FBXL2: variants seen among roughly 807,000 people sequenced by gnomAD.
FBXL2 encodes the protein F-box and leucine rich repeat protein 2, also known as F-box/LRR-repeat protein 2.
A neutral mutation model predicts 69.2 loss-of-function variants in FBXL2; 38 were observed. That is an observed-to-expected ratio of 0.55 (90% CI 0.42 to 0.72). The LOEUF is 0.72. FBXL2 is among the 30% of genes least tolerant of loss of function. The pLI is 0.00. For missense variants in FBXL2, 354 were observed against 520.3 expected (o/e 0.68, Z 3.11); for synonymous variants, 192 against 201.3 (o/e 0.95, Z 0.39).
At position 33,378,164 on chromosome 3, in the gene FBXL2, C is replaced by G; in HGVS notation, c.894+17C>G. ...TGCATCCTGGTGAGTGGACTCCTGA[C>G]AGCCCTGCAGGGCAGCCTGCTCCTT... On this transcript the variant is annotated intron_variant, in intron 12 of 14. Transcript: ENST00000484457. 6.2e-7 allele frequency: 1 copy of G among 1,612,908 alleles called. No homozygotes were observed. The highest frequency in any genetic ancestry group is 8.5e-7 in the Non-Finnish European group (1 of 1,178,846).
At chr3:33,296,924 T>TA (rs2035799633) in intron 1 of FBXL2, among the ~76,000 whole-genome samples, 1 of 152,176 alleles carries the variant, frequency 6.6e-6, no homozygotes, top group Non-Finnish European at 1.5e-5. Flanking sequence ...TCAATTTCTG[T>TA]AAAAAAGGCA....
chr3:33,347,104 C>G lies in FBXL2; in HGVS notation c.66-11863C>G, dbSNP rs56691842. 4.2e-3 allele frequency among the ~76,000 whole-genome samples: 633 copies of G among 152,218 alleles called. 6 individuals are homozygous for G. Among genetic ancestry groups the G allele is most frequent in the African/African-American group, 0.015 (603 of 41,544 alleles). ...TACCCATTAACCATCCCTATGTCCCCTCCACATCCTCCTGCCCTCACCCTT... is the reference window on the plus strand; with the variant it reads ...TACCCATTAACCATCCCTATGTCCCGTCCACATCCTCCTGCCCTCACCCTT... On this transcript the variant is annotated intron_variant, in intron 2 of 14. Coordinates refer to ENST00000484457, the MANE Select transcript of FBXL2 (RefSeq NM_012157.5).
the FBXL2 span, among the ~76,000 whole-genome samples, chr3:33,410,157 A>G: frequency 6.6e-6 from 1 of 151,856 alleles, no homozygotes; most frequent in African/African-American, 2.4e-5. Flanking sequence ...TCTTTGGTCA[A>G]CTCTTCAAAG....
chr3:33,331,190 A>G (rs1272648724), intron 2 of FBXL2, among the ~76,000 whole-genome samples: 2 of 152,108 alleles, frequency 1.3e-5, no homozygotes, highest in East Asian at 3.8e-4. Context: ...AAACACCTGA[A>G]TTTAGGATTC....
In FBXL2 at chr3:33,387,177, A is replaced by G. The variant is rs1204945013; in HGVS notation, c.*1569A>G. On this transcript the variant is annotated 3_prime_UTR_variant, in exon 15 of 15. Transcript: ENST00000484457. ...GATACCATAGCAGTTAGTTAAATAT[A>G]CATTTATACCCACTGTTTGTTGTGG... 6.6e-6 allele frequency: 1 copy of G among 152,186 alleles called. No individual in the cohort carries two copies. Among genetic ancestry groups the G allele is most frequent in the Non-Finnish European group, 1.5e-5 (1 of 68,040 alleles). 9.4% of individuals were successfully genotyped at this position (152,186 alleles called of 1,614,324 possible). A position where few individuals can be genotyped will look rare whatever the true frequency, so the allele number is the denominator to read the frequency against.
At chr3:33,392,649 A>G, downstream of FBXL2, 1 of 1,566,302 alleles carries the variant, frequency 6.4e-7, no homozygotes, top group Non-Finnish European at 8.7e-7. Context: ...AGTACAATTA[A>G]GATCCAACTG....
At chr3:33,296,074 T>A (rs2125711691) in intron 1 of FBXL2, among the ~76,000 whole-genome samples, 1 of 152,282 alleles carries the variant, frequency 6.6e-6, no homozygotes, top group South Asian at 2.1e-4. Context: ...GTTTGTTTGT[T>A]TGTGTTTCTG....
downstream of FBXL2, chr3:33,390,310 C>A (rs1232566669): frequency 6.2e-7 from 1 of 1,607,744 alleles, no homozygotes; most frequent in Non-Finnish European, 8.5e-7. Context: ...GTACTGAATA[C>A]AGTTCAGTCT....
intron 13 of FBXL2, among the ~76,000 whole-genome samples, chr3:33,381,679 C>T (rs1424732189): frequency 6.6e-6 from 1 of 151,654 alleles, no homozygotes; most frequent in Non-Finnish European, 1.5e-5. Context: ...TATACATACA[C>T]AGAGAGACAC....
chr3:33,302,150 A>G (rs2036351130), intron 2 of FBXL2, among the ~76,000 whole-genome samples: 1 of 152,192 alleles, frequency 6.6e-6, no homozygotes, highest in African/African-American at 2.4e-5. Flanking sequence ...AGCTCTTAAT[A>G]TGGATCTTAA....
At chr3:33,295,928 A>T (rs1337485762) in intron 1 of FBXL2, among the ~76,000 whole-genome samples, 1 of 152,056 alleles carries the variant, frequency 6.6e-6, no homozygotes, top group Non-Finnish European at 1.5e-5. Context: ...GTTGTCTTTT[A>T]TTGAGTTTCA....
chr3:33,299,747 A>T (rs1043257275), intron 2 of FBXL2, among the ~76,000 whole-genome samples: 1 of 152,210 alleles, frequency 6.6e-6, no homozygotes, highest in Non-Finnish European at 1.5e-5. Flanking sequence ...TATGAAAAAT[A>T]TCAATTATAT....
At chr3:33,371,771 T>A (rs4678929) in intron 5 of FBXL2, among the ~76,000 whole-genome samples, 1 of 152,142 alleles carries the variant, frequency 6.6e-6, no homozygotes, top group East Asian at 1.9e-4. Flanking sequence ...ATACTCAGGT[T>A]TTGTTCTGGG....
At chr3:33,280,918 G>A (rs935063239) in intron 1 of FBXL2, among the ~76,000 whole-genome samples, 12 of 151,908 alleles carry the variant, frequency 7.9e-5, no homozygotes, top group African/African-American at 2.7e-4. Flanking sequence ...TGTTCATTTC[G>A]ACTTTCCTAT....
intron 2 of FBXL2, among the ~76,000 whole-genome samples, chr3:33,319,717 CTT>C (rs1363839847): frequency 6.6e-6 from 1 of 152,060 alleles, no homozygotes; most frequent in Non-Finnish European, 1.5e-5. Context: ...CCATGAATAA[CTT>C]TTATTTTTTT....
Position 33,358,920 on chromosome 3 carries a change from A to C in FBXL2, c.66-47A>C, listed in dbSNP as rs367922731. The C allele has an allele frequency of 1.2e-4, 141 of 1,221,420 alleles. No homozygotes were observed. In the African/African-American group the frequency reaches 1.8e-3, roughly 15 times the overall value. The allele number at this position is 1,221,420 out of a possible 1,614,324, so 75.7% of individuals were successfully genotyped here. A position where few individuals can be genotyped will look rare whatever the true frequency, so the allele number is the denominator to read the frequency against. ...TATCTTTCAAGTTATAATTATCCTG[A>C]AATGTTAACACCATCTCGTTTTTGT... On this transcript the variant is annotated intron_variant, in intron 2 of 14. Coordinates refer to ENST00000484457, the MANE Select transcript of FBXL2 (RefSeq NM_012157.5).
At chr3:33,290,984 C>T (rs184502052) in intron 1 of FBXL2, among the ~76,000 whole-genome samples, 14 of 151,558 alleles carry the variant, frequency 9.2e-5, no homozygotes, top group Middle Eastern at 3.4e-3. Flanking sequence ...GGCTGGAATG[C>T]AGTGGTGTGA....
intron 2 of FBXL2, among the ~76,000 whole-genome samples, chr3:33,324,972 AT>A (rs2038569295): frequency 6.6e-6 from 1 of 152,058 alleles, no homozygotes; most frequent in East Asian, 1.9e-4. Context: ...GTCCTCTCTG[AT>A]TTCCTTGAGC....
chr3:33,352,269 C>T (rs564199403), intron 2 of FBXL2, among the ~76,000 whole-genome samples: 2 of 152,220 alleles, frequency 1.3e-5, no homozygotes, highest in South Asian at 4.1e-4. Flanking sequence ...AATTGGACAT[C>T]TGTATTTAAA....
Sources: gnomAD v4.1 joint callset for allele counts (sites outside exome capture counted in the v4.1 genomes callset) on GRCh38, gnomAD v4.1.1 for gene constraint, MANE v1.5 for transcripts, NCBI Gene and HGNC (gene_info 2026-07-23, HGNC 2026-07-21) for gene names.